NELL1: variants seen among roughly 807,000 people sequenced by gnomAD.
NELL1 encodes the protein neural EGFL like 1.
Under a neutral mutation model 107.4 loss-of-function variants are expected in NELL1, and 76 were observed. The ratio of observed to expected loss-of-function variants is 0.71; its 90% confidence interval spans 0.59 to 0.86. The LOEUF is 0.86. Among genes scored for constraint, NELL1 ranks in the 40% least tolerant of loss-of-function variants. NELL1 has a pLI of 0.00. For missense variants in NELL1, 1,024 were observed against 1,005.5 expected, an observed-to-expected ratio of 1.02 and a Z score of -0.25; for synonymous variants, 353 against 341.2, an observed-to-expected ratio of 1.03 and a Z score of -0.38.
intron 14 of NELL1, among the ~76,000 whole-genome samples, chr11:21,248,216 G>A (rs180844437): frequency 6.6e-6 from 1 of 152,044 alleles, no homozygotes; most frequent in East Asian, 1.9e-4. Flanking sequence ...GTGGTGGCAC[G>A]CACCTTGTGG....
chr11:21,147,836 CAAAAA>C (rs35688285), intron 13 of NELL1, among the ~76,000 whole-genome samples: 1,316 of 28,552 alleles, frequency 0.046, 4 homozygotes, highest in African/African-American at 0.15. Context: ...AACTCCGTCT[CAAAAA>C]AAAAAAAAAA....
chr11:21,010,424 C>T (rs986779351), intron 12 of NELL1, among the ~76,000 whole-genome samples: 1 of 152,080 alleles, frequency 6.6e-6, no homozygotes, highest in Non-Finnish European at 1.5e-5. Context: ...GAGCTAGGAT[C>T]AACTGGAAGC....
At chr11:20,733,314 A>G (rs1485774193) in intron 2 of NELL1, among the ~76,000 whole-genome samples, 1 of 152,204 alleles carries the variant, frequency 6.6e-6, no homozygotes, top group Non-Finnish European at 1.5e-5. Context: ...CCTAGAAGTG[A>G]CATCTAATTG....
intron 2 of NELL1, among the ~76,000 whole-genome samples, chr11:20,702,420 G>A (rs1167002809): frequency 2.0e-5 from 3 of 152,086 alleles, no homozygotes; most frequent in African/African-American, 7.2e-5. Context: ...CTGAGACAAT[G>A]GGGTTTTCTA....
intron 12 of NELL1, among the ~76,000 whole-genome samples, chr11:21,086,828 CT>C (rs35537964): frequency 3.7e-3 from 423 of 112,944 alleles, no homozygotes; most frequent in African/African-American, 9.5e-3. Context: ...CTTAATGGAT[CT>C]TTTTTTTTTT....
chr11:20,940,131 C>A (rs1233841477), intron 10 of NELL1, among the ~76,000 whole-genome samples: 2 of 152,078 alleles, frequency 1.3e-5, no homozygotes, highest in Non-Finnish European at 2.9e-5. Context: ...AGAGACTTCT[C>A]TCTGTGTCTC....
intron 13 of NELL1, 128 bp downstream of exon 13, chr11:21,113,842 C>T: frequency 2.2e-6 from 2 of 915,704 alleles, no homozygotes; most frequent in Non-Finnish European, 3.2e-6. Context: ...TTTATTACTT[C>T]ACCCCACCTT....
At chr11:20,945,117 G>A (rs1376672006) in intron 10 of NELL1, among the ~76,000 whole-genome samples, 1 of 152,160 alleles carries the variant, frequency 6.6e-6, no homozygotes, top group Non-Finnish European at 1.5e-5. Flanking sequence ...CTTAGTTTGG[G>A]TTCTCCCAGA....
chr11:21,514,757 A>C (rs1050602954), intron 15 of NELL1, among the ~76,000 whole-genome samples: 2 of 152,208 alleles, frequency 1.3e-5, no homozygotes, highest in African/African-American at 4.8e-5. Context: ...TACATCTGTC[A>C]CAGGGGTTTG....
At chr11:20,732,465 G>A (rs887262814) in intron 2 of NELL1, among the ~76,000 whole-genome samples, 12 of 152,130 alleles carry the variant, frequency 7.9e-5, no homozygotes, top group Non-Finnish European at 1.5e-4. Context: ...TAGCTGGGGA[G>A]GAAATACAGA....
intron 12 of NELL1, among the ~76,000 whole-genome samples, chr11:21,013,987 T>A (rs564237756): frequency 6.6e-6 from 1 of 151,976 alleles, no homozygotes; most frequent in Non-Finnish European, 1.5e-5. Context: ...TAGGCTGGGG[T>A]TATGTGTATT....
chr11:21,533,471 A>G (rs1034498464), intron 15 of NELL1, among the ~76,000 whole-genome samples: 6 of 152,206 alleles, frequency 3.9e-5, no homozygotes, highest in Non-Finnish European at 8.8e-5. Flanking sequence ...CATTCTAAGA[A>G]ATAATTACTT....
intron 12 of NELL1, among the ~76,000 whole-genome samples, chr11:21,056,488 A>G (rs1853618534): frequency 6.6e-6 from 1 of 152,042 alleles, no homozygotes; most frequent in Non-Finnish European, 1.5e-5. Context: ...GTTGTCATCT[A>G]AAAAAATGAG....
intron 15 of NELL1, among the ~76,000 whole-genome samples, chr11:21,481,422 A>C (rs1445086436): frequency 7.9e-5 from 12 of 152,214 alleles, no homozygotes; most frequent in African/African-American, 2.9e-4. Context: ...TGAAGATTGC[A>C]GCATGACTTA....
intron 13 of NELL1, among the ~76,000 whole-genome samples, chr11:21,183,730 A>G (rs1304151064): frequency 6.6e-6 from 1 of 151,772 alleles, no homozygotes; most frequent in Non-Finnish European, 1.5e-5. Flanking sequence ...AATGAATATA[A>G]CTAGTGGGAA....
intron 3 of NELL1, among the ~76,000 whole-genome samples, chr11:20,804,911 C>T (rs1212590530): frequency 2.6e-5 from 4 of 152,084 alleles, no homozygotes; most frequent in Non-Finnish European, 4.4e-5. Flanking sequence ...TGAGATCTCT[C>T]TTTGTTTTTA....
At chr11:20,981,984 C>G (rs1043409031) in intron 12 of NELL1, among the ~76,000 whole-genome samples, 2 of 150,892 alleles carry the variant, frequency 1.3e-5, no homozygotes, top group Non-Finnish European at 3.0e-5. Flanking sequence ...CTCTCTCTTT[C>G]TCTCTCTTTC....
intron 3 of NELL1, among the ~76,000 whole-genome samples, chr11:20,799,568 AAAT>A (rs1857240543): frequency 6.6e-6 from 1 of 152,312 alleles, no homozygotes; most frequent in South Asian, 2.1e-4. Context: ...ACTTGATTAT[AAAT>A]AATAATAATA....
chr11:20,768,924 G>C (rs1278405286), intron 2 of NELL1, among the ~76,000 whole-genome samples: 2 of 152,146 alleles, frequency 1.3e-5, no homozygotes. Context: ...CTCTAGGGTT[G>C]CAGTAATTTG....
Sources: allele counts gnomAD v4.1 joint callset (sites outside exome capture counted in the v4.1 genomes callset), GRCh38; gene constraint gnomAD v4.1.1; transcripts MANE v1.5; gene names NCBI Gene and HGNC (gene_info 2026-07-23, HGNC 2026-07-21).